The following CYREN variants were observed in gnomAD, a reference collection of about 807,000 sequenced individuals.
CYREN encodes cell cycle regulator of NHEJ.
Under a neutral mutation model 9.7 loss-of-function variants are expected in CYREN, and 7 were observed. The observed-to-expected ratio is 0.72, with a 90% CI of 0.41 to 1.36. CYREN has a LOEUF of 1.36. Among genes scored for constraint, CYREN ranks in the 40% most tolerant of loss-of-function variants. CYREN has a pLI of 0.01. For synonymous variants in CYREN, 76 were observed against 77.9 expected (o/e 0.98, Z 0.13); for missense variants, 215 against 198.1 (o/e 1.09, Z -0.51).
downstream of CYREN, among the ~76,000 whole-genome samples, chr7:135,162,776 A>C (rs292499): frequency 0.93 from 141,694 of 152,242 alleles, 66,729 homozygotes; most frequent in Non-Finnish European, 1. Context: ...ATCAGCCGAA[A>C]CTTATCCCAT....
chr7:135,153,847 G>A (rs1441091138), intron 2 of CYREN, among the ~76,000 whole-genome samples: 1 of 152,136 alleles, frequency 6.6e-6, no homozygotes, highest in Non-Finnish European at 1.5e-5. Context: ...GGGTGACCCT[G>A]GCCTCGGAGA....
At chr7:135,136,427 T>C (rs1196056798) in intron 2 of CYREN, among the ~76,000 whole-genome samples, 1 of 152,094 alleles carries the variant, frequency 6.6e-6, no homozygotes, top group East Asian at 1.9e-4. Flanking sequence ...ATAGCTATCT[T>C]CTAAATACAT....
At chr7:135,164,678 C>T, downstream of CYREN, 1 of 1,614,000 alleles carries the variant, frequency 6.2e-7, no homozygotes, top group Non-Finnish European at 8.5e-7. Flanking sequence ...CTCGGGTTGG[C>T]CTGGGCCTGG....
intron 2 of CYREN, among the ~76,000 whole-genome samples, chr7:135,146,876 G>C (rs991370675): frequency 6.6e-6 from 1 of 152,164 alleles, no homozygotes; most frequent in African/African-American, 2.4e-5. Context: ...CTGACTCTTT[G>C]AAAACTAGGT....
chr7:135,129,138 T>C, intron 2 of CYREN: 1 of 1,509,826 alleles, frequency 6.6e-7, no homozygotes, highest in Admixed American at 1.7e-5. Flanking sequence ...ATTTGCCTAT[T>C]ATGACTGCCT....
At chr7:135,113,506 A>G (rs1249404548) in intron 2 of CYREN, among the ~76,000 whole-genome samples, 1 of 152,164 alleles carries the variant, frequency 6.6e-6, no homozygotes, top group East Asian at 1.9e-4. Flanking sequence ...TCTTGCTTTT[A>G]TTCTAAATGT....
At chr7:135,116,514 C>T (rs1348482507) in intron 2 of CYREN, among the ~76,000 whole-genome samples, 1 of 152,166 alleles carries the variant, frequency 6.6e-6, no homozygotes, top group African/African-American at 2.4e-5. Flanking sequence ...CTGACACCAG[C>T]CCAATGGGGA....
intron 2 of CYREN, among the ~76,000 whole-genome samples, chr7:135,152,149 A>T (rs1386595430): frequency 6.6e-6 from 1 of 152,274 alleles, no homozygotes; most frequent in Non-Finnish European, 1.5e-5. Context: ...AATTAAAGCC[A>T]TTTTACAGAT....
At position 135,166,421 on chromosome 7, in the gene CYREN, A is replaced by T; in HGVS notation, c.*190T>A. Reference sequence around the variant, plus strand: ...TTTGAGTCCTGCCTTCCGCACACTCAGAACGGCAGCCCCAAGGCCCGGAGT... The same window carrying T: ...TTTGAGTCCTGCCTTCCGCACACTCTGAACGGCAGCCCCAAGGCCCGGAGT... On this transcript the variant is annotated 3_prime_UTR_variant, in exon 4 of 4. Coordinates refer to ENST00000393114, the MANE Select transcript of CYREN (RefSeq NM_024033.4). 1.2e-6 allele frequency: 1 copy of T among 804,732 alleles called. No homozygotes were observed. Among genetic ancestry groups the T allele is most frequent in the South Asian group, 2.3e-5 (1 of 43,296 alleles). The allele number at this position is 804,732 out of a possible 1,614,324, so 49.8% of individuals were successfully genotyped here.
At chr7:135,171,319 T>G (rs12535337), upstream of CYREN, among the ~76,000 whole-genome samples, 55 of 13,892 alleles carry the variant, frequency 4.0e-3, no homozygotes, top group South Asian at 0.082. Context: ...GTTTTTTTTT[T>G]TTTTTTTAAA....
chr7:135,093,212 G>C (rs920211708), exon 3 of CYREN: 2 of 151,196 alleles, frequency 1.3e-5, no homozygotes, highest in Non-Finnish European at 2.9e-5. Context: ...AAAAAAAAAG[G>C]CATCCAAATT....
intron 2 of CYREN, among the ~76,000 whole-genome samples, chr7:135,136,198 G>C (rs946639990): frequency 6.6e-6 from 1 of 152,064 alleles, no homozygotes; most frequent in Non-Finnish European, 1.5e-5. Flanking sequence ...AGCATAAGAA[G>C]GGTCAGGTAG....
intron 3 of CYREN, 75 bp from the exon 4 acceptor site, chr7:135,166,946 G>A (rs1830195686): frequency 7.0e-6 from 11 of 1,561,704 alleles, no homozygotes; most frequent in South Asian, 6.1e-5. Flanking sequence ...CAGTAACACA[G>A]GATGTATCTA....
chr7:135,110,799 A>C (rs932434373), intron 2 of CYREN, among the ~76,000 whole-genome samples: 2 of 152,138 alleles, frequency 1.3e-5, no homozygotes, highest in African/African-American at 2.4e-5. Flanking sequence ...CCACTTTCTT[A>C]ACAATGTCCT....
At chr7:135,147,270 T>C (rs1829564874) in intron 2 of CYREN, among the ~76,000 whole-genome samples, 1 of 152,174 alleles carries the variant, frequency 6.6e-6, no homozygotes, top group African/African-American at 2.4e-5. Flanking sequence ...CTGGATCCCA[T>C]CACCTCTTTC....
At chr7:135,153,225 G>A (rs548007145) in intron 2 of CYREN, 1 of 152,380 alleles carries the variant, frequency 6.6e-6, no homozygotes, top group South Asian at 2.1e-4. Flanking sequence ...AGAGGCCAAG[G>A]TGGGCAGATC....
intron 3 of CYREN, 71 bp downstream of exon 3, chr7:135,167,661 C>A: frequency 6.3e-7 from 1 of 1,593,184 alleles, no homozygotes; most frequent in Non-Finnish European, 8.5e-7. Context: ...CTCTTACTGA[C>A]GGTGACCAAG....
chr7:135,156,603 T>C (rs1387908552), intron 2 of CYREN, among the ~76,000 whole-genome samples: 1 of 152,182 alleles, frequency 6.6e-6, no homozygotes, highest in Non-Finnish European at 1.5e-5. Flanking sequence ...TTCTCATTTA[T>C]ATCCTGGATT....
chr7:135,134,100 C>T (rs1459682977), intron 2 of CYREN, among the ~76,000 whole-genome samples: 1 of 152,050 alleles, frequency 6.6e-6, no homozygotes, highest in Non-Finnish European at 1.5e-5. Context: ...GAAGCAGGTA[C>T]TACAAGAGGG....
Sources: gnomAD v4.1 joint callset for allele counts (sites outside exome capture counted in the v4.1 genomes callset) on GRCh38, gnomAD v4.1.1 for gene constraint, MANE v1.5 for transcripts, NCBI Gene and HGNC (gene_info 2026-07-23, HGNC 2026-07-21) for gene names.